Variants in RTN4IP1 observed in about 807,000 individuals in gnomAD.
RTN4IP1 encodes NAD(P)H oxidoreductase RTN4IP1, mitochondrial.
Under a neutral mutation model 46.6 loss-of-function variants are expected in RTN4IP1, and 32 were observed. That is an observed-to-expected ratio of 0.69 (90% CI 0.52 to 0.92). RTN4IP1 has a LOEUF of 0.92. Among genes scored for constraint, RTN4IP1 ranks in the 40% least tolerant of loss-of-function variants. The pLI is 0.00. For synonymous variants in RTN4IP1, 167 were observed against 161.8 expected, an observed-to-expected ratio of 1.03 and a Z score of -0.24; for missense variants, 424 against 485.8, an observed-to-expected ratio of 0.87 and a Z score of 1.20.
chr6:106,602,564 C>T (rs1002117293), intron 5 of RTN4IP1, among the ~76,000 whole-genome samples: 1 of 152,108 alleles, frequency 6.6e-6, no homozygotes, highest in Non-Finnish European at 1.5e-5. Flanking sequence ...TTATCAAGGA[C>T]ATCCACACAC....
intron 2 of RTN4IP1, among the ~76,000 whole-genome samples, chr6:106,622,459 A>G (rs1776506524): frequency 6.6e-6 from 1 of 152,210 alleles, no homozygotes; most frequent in East Asian, 1.9e-4. Flanking sequence ...GCAATAGAGC[A>G]AATAACTAGG....
At chr6:106,622,617 C>G (rs897473034) in intron 2 of RTN4IP1, among the ~76,000 whole-genome samples, 24 of 152,278 alleles carry the variant, frequency 1.6e-4, no homozygotes, top group African/African-American at 5.8e-4. Flanking sequence ...GGTGTTTACT[C>G]GAGACCTACG....
intron 8 of RTN4IP1, among the ~76,000 whole-genome samples, chr6:106,573,946 C>T (rs549452502): frequency 4.3e-4 from 66 of 152,302 alleles, no homozygotes; most frequent in Non-Finnish European, 5.9e-4. Context: ...GTGCCATCCA[C>T]GCCTATGGAG....
chr6:106,629,333 C>T lies in RTN4IP1; in HGVS notation c.-312G>A. On this transcript the variant is annotated 5_prime_UTR_variant, in exon 1 of 9. Coordinates refer to ENST00000369063, the MANE Select transcript of RTN4IP1 (RefSeq NM_032730.5). ...GGGGCGGGGCATTAAAAAGCAGGTGCGCAAACCCCCTAGATCCCTGCCCTG... is the reference window on the plus strand; with the variant it reads ...GGGGCGGGGCATTAAAAAGCAGGTGTGCAAACCCCCTAGATCCCTGCCCTG... 1 of 533,206 alleles carries T rather than the reference C, an allele frequency of 1.9e-6. No homozygotes were observed. Among genetic ancestry groups the T allele is most frequent in the Non-Finnish European group, 3.3e-6 (1 of 301,112 alleles). The allele number at this position is 533,206 out of a possible 1,614,324, so 33.0% of individuals were successfully genotyped here. A position where few individuals can be genotyped will look rare whatever the true frequency, so the allele number is the denominator to read the frequency against.
intron 5 of RTN4IP1, among the ~76,000 whole-genome samples, chr6:106,600,735 C>G (rs921742071): frequency 6.6e-6 from 1 of 152,042 alleles, no homozygotes; most frequent in East Asian, 1.9e-4. Flanking sequence ...TTCATCCATG[C>G]TGTATCATCA....
rs367782842 is a variant in RTN4IP1 at position 106,614,543 on chromosome 6, C to G, written c.620+4659G>C. Among the ~76,000 whole-genome samples, 38 of 152,160 alleles carry G rather than the reference C, an allele frequency of 2.5e-4. No homozygotes were observed. In the South Asian group the frequency reaches 3.5e-3, roughly 14 times the overall value. Reference sequence around the variant, plus strand: ...CAAAAAGGAAGAATAGAGTGGAATACTGGGAAAACAGCACATTTAAAGGGC... The same window carrying G: ...CAAAAAGGAAGAATAGAGTGGAATAGTGGGAAAACAGCACATTTAAAGGGC... On this transcript the variant is annotated intron_variant, in intron 4 of 8. Transcript: ENST00000369063.
intron 8 of RTN4IP1, among the ~76,000 whole-genome samples, chr6:106,578,037 T>A (rs1361109219): frequency 6.6e-6 from 1 of 152,200 alleles, no homozygotes; most frequent in Non-Finnish European, 1.5e-5. Flanking sequence ...TAAGCAAATA[T>A]GTATAAATAT....
intron 6 of RTN4IP1, among the ~76,000 whole-genome samples, chr6:106,590,754 C>A (rs1267013459): frequency 7.2e-6 from 1 of 138,406 alleles, no homozygotes; most frequent in Non-Finnish European, 1.6e-5. Context: ...TCAACCTAAA[C>A]TACTGCTTTC....
At chr6:106,602,715 A>T (rs995206459) in intron 5 of RTN4IP1, among the ~76,000 whole-genome samples, 159 bp downstream of exon 5, 3 of 152,328 alleles carry the variant, frequency 2.0e-5, no homozygotes, top group South Asian at 2.1e-4. Flanking sequence ...ATTTTTTCTA[A>T]TAAAAAAAGA....
At chr6:106,626,575 G>A (rs1209447352) in intron 1 of RTN4IP1, among the ~76,000 whole-genome samples, 2 of 152,192 alleles carry the variant, frequency 1.3e-5, no homozygotes, top group Non-Finnish European at 2.9e-5. Context: ...TGCAGCCCAA[G>A]GTTGTTTTTA....
intron 6 of RTN4IP1, among the ~76,000 whole-genome samples, chr6:106,589,172 G>A (rs1775562136): frequency 1.1e-4 from 3 of 27,538 alleles, no homozygotes; most frequent in African/African-American, 1.1e-4. Flanking sequence ...AGGAGGCGGT[G>A]GAGGAGGAGG....
chr6:106,616,030 T>C (rs1419741225), intron 4 of RTN4IP1, among the ~76,000 whole-genome samples: 1 of 152,154 alleles, frequency 6.6e-6, no homozygotes, highest in African/African-American at 2.4e-5. Context: ...ATGATCCTCC[T>C]GCCTCAGGCT....
chr6:106,573,332 C>T (rs778837504), intron 8 of RTN4IP1, among the ~76,000 whole-genome samples: 7 of 152,204 alleles, frequency 4.6e-5, no homozygotes, highest in Non-Finnish European at 7.3e-5. Flanking sequence ...ATACATTTTA[C>T]GCTTTCCTTT....
upstream of RTN4IP1, chr6:106,629,721 C>T (rs777255423): frequency 2.5e-6 from 4 of 1,601,316 alleles, no homozygotes; most frequent in Non-Finnish European, 3.4e-6. Context: ...TGGAATTGGC[C>T]CGCTGAGGCC....
At chr6:106,576,039 C>G (rs926228300) in intron 8 of RTN4IP1, among the ~76,000 whole-genome samples, 4 of 152,194 alleles carry the variant, frequency 2.6e-5, no homozygotes, top group Non-Finnish European at 5.9e-5. Flanking sequence ...GCAGTTCCAG[C>G]ACTACCTCCT....
Position 106,602,858 on chromosome 6 carries a change from TA to T in RTN4IP1, c.669+15del. The T allele has an allele frequency of 6.4e-6, 10 of 1,565,422 alleles. No individual in the cohort carries two copies. The highest frequency in any genetic ancestry group is 8.7e-6 in the Non-Finnish European group (10 of 1,153,332). On this transcript the variant is annotated intron_variant, in intron 5 of 8. Transcript: ENST00000369063. Reference sequence around the variant, plus strand: ...AACAAAATCCTCCTATTCACAAGATTAAAAAATGGTTTTACCTGTATAGCAA... The same window carrying T: ...AACAAAATCCTCCTATTCACAAGATTAAAAATGGTTTTACCTGTATAGCAA...
intron 4 of RTN4IP1, among the ~76,000 whole-genome samples, chr6:106,604,371 GA>G (rs1329922025): frequency 3.3e-5 from 5 of 152,096 alleles, no homozygotes; most frequent in African/African-American, 1.2e-4. Flanking sequence ...AAGACTAGAA[GA>G]AATTTTAAAG....
intron 8 of RTN4IP1, among the ~76,000 whole-genome samples, chr6:106,579,800 G>A (rs1324001347): frequency 6.6e-6 from 1 of 150,562 alleles, no homozygotes; most frequent in South Asian, 2.1e-4. Flanking sequence ...TTTTCCTTGA[G>A]ATGGGATTGC....
intron 5 of RTN4IP1, among the ~76,000 whole-genome samples, chr6:106,599,657 G>A (rs1775892775): frequency 6.6e-6 from 1 of 151,986 alleles, no homozygotes; most frequent in African/African-American, 2.4e-5. Flanking sequence ...ATATTCCAAT[G>A]TAAGAATATA....
Sources: gnomAD v4.1 joint callset for allele counts (sites outside exome capture counted in the v4.1 genomes callset) on GRCh38, gnomAD v4.1.1 for gene constraint, MANE v1.5 for transcripts, NCBI Gene and HGNC (gene_info 2026-07-23, HGNC 2026-07-21) for gene names.